The following PPP1R13B variants were observed in gnomAD, a reference collection of about 807,000 sequenced individuals.
PPP1R13B encodes protein phosphatase 1 regulatory subunit 13B.
PPP1R13B carries 44 observed loss-of-function variants against 119.8 expected under a neutral mutation model. The observed-to-expected ratio is 0.37, with a 90% CI of 0.29 to 0.47. The LOEUF is 0.47. Among genes scored for constraint, PPP1R13B ranks in the 20% least tolerant of loss-of-function variants. The pLI, the probability that PPP1R13B is intolerant of heterozygous loss-of-function variation, is 0.99. For missense variants in PPP1R13B, 1,227 were observed against 1,413.5 expected (o/e 0.87, Z 2.12); for synonymous variants, 542 against 561.5 (o/e 0.97, Z 0.49).
intron 1 of PPP1R13B, among the ~76,000 whole-genome samples, chr14:103,835,811 G>A (rs1352384341): frequency 6.6e-6 from 1 of 151,636 alleles, no homozygotes; most frequent in Non-Finnish European, 1.5e-5. Flanking sequence ...GGGTTTCACT[G>A]TGTTAGCCAG....
chr14:103,844,634 C>A (rs2086986342), intron 1 of PPP1R13B, among the ~76,000 whole-genome samples: 1 of 151,868 alleles, frequency 6.6e-6, no homozygotes, highest in Non-Finnish European at 1.5e-5. Flanking sequence ...GAGGCTGGGG[C>A]AGGAGAATCT....
At position 103,749,802 on chromosome 14, in the gene PPP1R13B, T is replaced by C. The variant is rs1219468284; in HGVS notation, c.961A>G (p.Lys321Glu). 1 of 1,609,706 alleles carries C rather than the reference T, an allele frequency of 6.2e-7. No individual in the cohort carries two copies. Among genetic ancestry groups the C allele is most frequent in the South Asian group, 1.1e-5 (1 of 89,600 alleles). The change falls in exon 8 of 17, where the codon AAA becomes GAA. Residue 321 changes from lysine (K) to glutamate (E), a missense_variant. Physicochemically the swap from Lys to Glu is moderately conservative, Grantham distance 56. Transcript: ENST00000202556. The part of the protein sequence containing the change: ...SELRERLYGK[K>E]IQLNRVNGTS... The stretch of plus-strand genomic sequence containing the variant: ...AAAACTTTTTCACATGCCTGAATTT[T>C]TTTCCCATAGAGACGTTCACGCAGT...
chr14:103,740,721 C>T lies in PPP1R13B; in HGVS notation c.1823-128G>A, dbSNP rs2151964917. On this transcript the variant is annotated intron_variant, in intron 11 of 16. Transcript: ENST00000202556. This position sits in a 1 kb window ranked among gnomAD's most constrained non-coding sequence, Gnocchi z 4.6. The stretch of plus-strand genomic sequence containing the variant: ...ATACATCTGCTGCTGTTATTCAATT[C>T]TCATTTCAAATCTCTGAGGAAACCT... 1 of 819,196 alleles carries T rather than the reference C, an allele frequency of 1.2e-6. No homozygotes were observed. The highest frequency in any genetic ancestry group is 1.7e-6 in the Non-Finnish European group (1 of 595,444). 50.7% of individuals were successfully genotyped at this position (819,196 alleles called of 1,614,324 possible).
chr14:103,825,509 A>T (rs1048223469), intron 1 of PPP1R13B, among the ~76,000 whole-genome samples: 1 of 152,230 alleles, frequency 6.6e-6, no homozygotes, highest in Admixed American at 6.5e-5. Context: ...TAAAAGCCTG[A>T]AACAGCCTTA....
chr14:103,821,357 G>A (rs766992355), intron 1 of PPP1R13B, among the ~76,000 whole-genome samples: 4 of 151,970 alleles, frequency 2.6e-5, no homozygotes, highest in African/African-American at 7.3e-5. Flanking sequence ...TGAAAAAGTC[G>A]GGAAGCCTCC....
At chr14:103,841,671 C>A (rs376152444) in intron 1 of PPP1R13B, among the ~76,000 whole-genome samples, 1 of 152,120 alleles carries the variant, frequency 6.6e-6, no homozygotes, top group African/African-American at 2.4e-5. Flanking sequence ...GCTGTAAAAT[C>A]AAGCTTATCA....
At chr14:103,757,805 C>T (rs931899660) in intron 4 of PPP1R13B, 54 bp from the exon 5 acceptor site, 191 of 1,484,138 alleles carry the variant, frequency 1.3e-4, no homozygotes, top group Non-Finnish European at 1.7e-4. Context: ...AATTGTCTGT[C>T]TCTAGTGTCA....
At chr14:103,813,688 T>C (rs2086212278) in intron 1 of PPP1R13B, among the ~76,000 whole-genome samples, 1 of 152,176 alleles carries the variant, frequency 6.6e-6, no homozygotes. Flanking sequence ...CGGTAGTTCT[T>C]TATAGCAGGG....
chr14:103,798,700 CTTACT>C (rs936674210), intron 1 of PPP1R13B, among the ~76,000 whole-genome samples: 8 of 151,874 alleles, frequency 5.3e-5, no homozygotes, highest in Non-Finnish European at 1.0e-4. Flanking sequence ...ATCGTCTAGC[CTTACT>C]TTATTTTATT....
At chr14:103,735,967 G>A (rs2295145) in intron 16 of PPP1R13B, 36 bp downstream of exon 16, 668,500 of 1,606,660 alleles carry the variant, frequency 0.42, 141,661 homozygotes, top group African/African-American at 0.57. Context: ...AGAGACACGG[G>A]CAGCTAGTTT....
At chr14:103,810,757 C>A (rs1290343208) in intron 1 of PPP1R13B, among the ~76,000 whole-genome samples, 1 of 148,654 alleles carries the variant, frequency 6.7e-6, no homozygotes, top group Admixed American at 6.7e-5. Context: ...GATGACAGAG[C>A]GAGACTCCAT....
chr14:103,749,930 C>T lies in PPP1R13B; in HGVS notation c.833G>A (p.Arg278His), dbSNP rs376964126. The T allele has an allele frequency of 1.4e-5, 23 of 1,612,752 alleles. No individual in the cohort carries two copies. Among genetic ancestry groups the T allele is most frequent in the Middle Eastern group, 1.6e-4 (1 of 6,084 alleles). The change falls in exon 8 of 17, where the codon CGT (arginine) becomes CAT (histidine). Residue 278 changes from arginine to histidine, a missense_variant. Coordinates refer to ENST00000202556, the MANE Select transcript of PPP1R13B (RefSeq NM_015316.3). ...ATTTTGTTCCTGGTTAAGTTGGTTA[C>T]GAATCTACAAACCACAAAATACAAC... Reference protein sequence around the residue: ...LKRLYQELQIRNQLNQEQNSK... With the variant: ...LKRLYQELQIHNQLNQEQNSK...
chr14:103,812,226 C>T (rs1237366907), intron 1 of PPP1R13B, among the ~76,000 whole-genome samples: 4 of 148,278 alleles, frequency 2.7e-5, no homozygotes, highest in Admixed American at 1.4e-4. Context: ...TGGGTTCAAG[C>T]GATTCTCCCG....
chr14:103,798,139 A>G (rs557176853), intron 1 of PPP1R13B, among the ~76,000 whole-genome samples: 1 of 149,650 alleles, frequency 6.7e-6, no homozygotes, highest in Admixed American at 6.8e-5. Flanking sequence ...AAGTACATTA[A>G]ATATAATAAT....
chr14:103,763,859 T>G (rs1199231431), intron 4 of PPP1R13B: 1 of 152,270 alleles, frequency 6.6e-6, no homozygotes, highest in Non-Finnish European at 1.5e-5. Flanking sequence ...GTCTCTAGAC[T>G]TACTTTCTTC....
At position 103,742,151 on chromosome 14, in the gene PPP1R13B, C is replaced by A. The variant is rs531629171; in HGVS notation, c.1461G>T (p.Leu487Phe). 4 of 1,610,936 alleles carry A rather than the reference C, an allele frequency of 2.5e-6. No homozygotes were observed. The African/African-American group carries it at 5.3e-5, about 22-fold the overall frequency. Residue 487 changes from leucine (L) to phenylalanine (F), a missense_variant, in exon 11 of 17, where the codon TTG becomes TTT. Transcript: ENST00000202556. The surrounding 1 kb of genome is among the most constrained non-coding windows in gnomAD (Gnocchi z 4.9). ...SSLERRKEGS[L>F]PRPSAGLPSR... is the part of the protein sequence containing the mutation. ...TTGGCAGGCCTGCACTGGGCCTGGG[C>A]AAGCTGCCTTCCTTCCTCCTTTCCA...
chr14:103,809,386 C>G (rs184240126), intron 1 of PPP1R13B, among the ~76,000 whole-genome samples: 1 of 152,066 alleles, frequency 6.6e-6, no homozygotes, highest in African/African-American at 2.4e-5. Flanking sequence ...AAAAGCATAA[C>G]GCATTTTGAG....
chr14:103,778,794 GT>G lies in PPP1R13B; in HGVS notation c.304del (p.Thr102LeufsTer5). 6.2e-7 allele frequency: 1 copy of G among 1,613,992 alleles called. No individual in the cohort carries two copies. The highest frequency in any genetic ancestry group is 1.1e-5 in the South Asian group (1 of 91,068). ...AGGTACATTTATTACATTTCTCTGAGTTCGTTGCTCTTGGGTCTGACGGCCA... is the reference window on the plus strand; with the variant it reads ...AGGTACATTTATTACATTTCTCTGAGTCGTTGCTCTTGGGTCTGACGGCCA... ...QGGRQTQEQR[T>X]QRNVINVPGE... On this transcript the variant is annotated frameshift_variant, in exon 4 of 17. Coordinates refer to ENST00000202556, the MANE Select transcript of PPP1R13B (RefSeq NM_015316.3). LOFTEE classifies it high-confidence loss of function.
intron 1 of PPP1R13B, among the ~76,000 whole-genome samples, chr14:103,822,005 C>G (rs568628481): frequency 6.6e-6 from 1 of 152,106 alleles, no homozygotes. Context: ...GGACAGAGTG[C>G]TAGGACAACA....
Sources: allele counts gnomAD v4.1 joint callset (sites outside exome capture counted in the v4.1 genomes callset), GRCh38; gene constraint gnomAD v4.1.1; non-coding constraint Gnocchi (gnomAD v3.1); transcripts MANE v1.5; gene names NCBI Gene and HGNC (gene_info 2026-07-23, HGNC 2026-07-21).